Variants in SPTA1 observed in about 807,000 individuals in gnomAD.
The protein encoded by SPTA1 is spectrin alpha, erythrocytic 1, also known as spectrin alpha chain, erythrocytic 1.
SPTA1 carries 177 observed loss-of-function variants against 324.7 expected under a neutral mutation model. The observed-to-expected ratio is 0.55, with a 90% confidence interval of 0.48 to 0.62. The LOEUF (loss-of-function observed/expected upper bound fraction) is 0.62, where lower values mean the gene tolerates loss of function less well. Among genes scored for constraint, SPTA1 ranks in the 20% least tolerant of loss-of-function variants. The pLI, the probability that SPTA1 is intolerant of heterozygous loss-of-function variation, is 0.00. For synonymous variants in SPTA1, 1,195 were observed against 1,041.3 expected (o/e 1.15, Z -2.84); for missense variants, 3,162 against 2,883.6 (o/e 1.10, Z -2.21).
At position 158,667,162 on chromosome 1, in the gene SPTA1, C is replaced by CA. The variant is rs1157963957; in HGVS notation, c.2039-666_2039-665insT. On this transcript the variant is annotated intron_variant, in intron 15 of 51. Transcript: ENST00000643759. ...TCTAAACCAAAAATAAGGATGGTATCCAAAAAAAAATCAGTATGACATATT... is the reference window on the plus strand; with the variant it reads ...TCTAAACCAAAAATAAGGATGGTATCACAAAAAAAAATCAGTATGACATATT... 2.0e-3 allele frequency among the ~76,000 whole-genome samples: 293 copies of CA among 149,318 alleles called. 3 individuals carry two copies. Among genetic ancestry groups the CA allele is most frequent in the African/African-American group, 7.0e-3 (287 of 41,246 alleles).
At chr1:158,671,510 C>T (rs1321501693) in intron 11 of SPTA1, 57 bp from the exon 12 acceptor site, 2 of 1,377,254 alleles carry the variant, frequency 1.5e-6, no homozygotes, top group Middle Eastern at 2.5e-4. Context: ...AAACATTCCT[C>T]TTGGCATATC....
intron 2 of SPTA1, 97 bp from the exon 3 acceptor site, chr1:158,683,593 G>A (rs1434349645): frequency 1.1e-5 from 17 of 1,521,726 alleles, no homozygotes; most frequent in Non-Finnish European, 1.4e-5. Flanking sequence ...TTCTCAAAGG[G>A]TCCCAGACTC....
intron 28 of SPTA1, 33 bp from the exon 29 acceptor site, chr1:158,645,418 C>A (rs1388982053): frequency 6.2e-7 from 1 of 1,613,924 alleles, no homozygotes. Flanking sequence ...ATCAGTGAGG[C>A]CAACTCCATT....
At chr1:158,626,096 G>C in intron 42 of SPTA1, 50 bp downstream of exon 42, 1 of 1,506,654 alleles carries the variant, frequency 6.6e-7, no homozygotes, top group South Asian at 1.1e-5. Context: ...TGGAGGATGA[G>C]CTTCTGTGTG....
chr1:158,623,565 T>A (rs11808184), intron 42 of SPTA1, among the ~76,000 whole-genome samples: 2,229 of 152,238 alleles, frequency 0.015, 66 homozygotes, highest in African/African-American at 0.051. Flanking sequence ...GTGAGTGAGT[T>A]CTCACAAGAT....
rs746546846 is a variant in SPTA1 at position 158,671,377 on chromosome 1, T to G, written c.1565A>C (p.Glu522Ala). 3 of 1,613,434 alleles carry G rather than the reference T, an allele frequency of 1.9e-6. No homozygotes were observed. Among genetic ancestry groups the G allele is most frequent in the Non-Finnish European group, 2.5e-6 (3 of 1,179,888 alleles). ...CTCTTCCTGGGCAGTAAAGGCTTCC[T>G]CAAAGTCTTCATGCTTCTGAAGAAG... Reference protein sequence around the residue: ...EALLQKHEDFEEAFTAQEEKI... With the variant: ...EALLQKHEDFAEAFTAQEEKI... Residue 522 changes from glutamate to alanine, a missense_variant, in exon 12 of 52, where the codon GAG becomes GCG. Physicochemically the swap from Glu to Ala is moderately radical, Grantham distance 107. Transcript: ENST00000643759.
intron 4 of SPTA1, among the ~76,000 whole-genome samples, chr1:158,681,027 T>C (rs1015964085): frequency 6.6e-6 from 1 of 152,202 alleles, no homozygotes; most frequent in Admixed American, 6.5e-5. Context: ...ATCCTGTTTC[T>C]ACTCAATTCA....
Position 158,642,557 on chromosome 1 carries a change from A to G in SPTA1, c.4606-15T>C. ...AGGTATTTCCTCTGAAGGGAAAATG[A>G]AACAGAAATTATATTATCTTTTTAT... On this transcript the variant is annotated splice_polypyrimidine_tract_variant and intron_variant, in intron 32 of 51. Transcript: ENST00000643759. 1.2e-6 allele frequency: 2 copies of G among 1,613,392 alleles called. No individual in the cohort carries two copies. Among genetic ancestry groups the G allele is most frequent in the East Asian group, 2.2e-5 (1 of 44,864 alleles).
chr1:158,670,903 A>G (rs1653975544), intron 12 of SPTA1, among the ~76,000 whole-genome samples: 2 of 152,152 alleles, frequency 1.3e-5, no homozygotes, highest in African/African-American at 2.4e-5. Context: ...TAAAATTTCT[A>G]AGTAATGATT....
rs1653889308 is a variant in SPTA1, at chr1:158,669,896, G to T, written c.1600-110C>A. On this transcript the variant is annotated intron_variant, in intron 12 of 51. Transcript: ENST00000643759. ...GAAGAACAGCAATGTGGGAGGAGAA[G>T]TTTGAAGGCCAGCAGATGTAAGTCC... is the stretch of plus-strand genomic sequence containing the variant. 45 of 1,035,544 alleles carry T rather than the reference G, an allele frequency of 4.3e-5. No individual in the cohort carries two copies. In the South Asian group the frequency reaches 5.6e-4, roughly 13 times the overall value. 64.1% of individuals were successfully genotyped at this position (1,035,544 alleles called of 1,614,324 possible). A position where few individuals can be genotyped will look rare whatever the true frequency, so the allele number is the denominator to read the frequency against.
intron 16 of SPTA1, 138 bp downstream of exon 16, chr1:158,666,178 G>A: frequency 2.7e-6 from 2 of 735,818 alleles, no homozygotes; most frequent in South Asian, 3.3e-5. Flanking sequence ...TAATCAGTGT[G>A]CTCAGAGCAT....
intron 1 of SPTA1, 142 bp downstream of exon 1, chr1:158,686,352 A>T (rs2101962117): frequency 4.5e-6 from 3 of 661,216 alleles, no homozygotes; most frequent in Non-Finnish European, 8.0e-6. Context: ...TTCACAAAAA[A>T]TAGTTAAAAG....
At chr1:158,664,546 G>A (rs1208549981) in intron 16 of SPTA1, among the ~76,000 whole-genome samples, 2 of 152,120 alleles carry the variant, frequency 1.3e-5, no homozygotes, top group Non-Finnish European at 2.9e-5. Flanking sequence ...AATACCTAAT[G>A]CATGCAGGGC....
chr1:158,611,132 C>CACACACAT lies in SPTA1; in HGVS notation c.*131_*132insATGTGTGT. 2.7e-5 allele frequency: 4 copies of CACACACAT among 150,464 alleles called. No individual in the cohort carries two copies. The South Asian group carries it at 2.8e-4, about 11-fold the overall frequency. 9.3% of individuals were successfully genotyped at this position (150,464 alleles called of 1,614,324 possible). A position where few individuals can be genotyped will look rare whatever the true frequency, so the allele number is the denominator to read the frequency against. On this transcript the variant is annotated 3_prime_UTR_variant, in exon 52 of 52. Transcript: ENST00000643759. ...AATGTAATATGCACACAAACACAAG[C>CACACACAT]ACACACACACACACACACACACACA...
chr1:158,648,387 G>A (rs1417297056), intron 26 of SPTA1, 122 bp downstream of exon 26: 11 of 1,398,200 alleles, frequency 7.9e-6, no homozygotes, highest in Admixed American at 1.8e-5. Flanking sequence ...AATAAATATG[G>A]CACAGAACAG....
chr1:158,639,806 A>ATTTACC, intron 34 of SPTA1, 64 bp downstream of exon 34: 1 of 1,613,188 alleles, frequency 6.2e-7, no homozygotes, highest in Non-Finnish European at 8.5e-7. Context: ...CCCATGGGTA[A>ATTTACC]ATTCATTTGT....
At position 158,614,251 on chromosome 1, in the gene SPTA1, A is replaced by G. The variant is rs774541070; in HGVS notation, c.6842+2T>C. On this transcript the variant is annotated splice_donor_variant, in intron 49 of 51. Transcript: ENST00000643759. LOFTEE classifies it high-confidence loss of function. ...AGCAGTTAACTATGAAATTATACTC[A>G]CTTATAGATTGTGCTAAATTCCTTT... 7 of 1,578,544 alleles carry G rather than the reference A, an allele frequency of 4.4e-6. No homozygotes were observed. The highest frequency in any genetic ancestry group is 4.0e-5 in the African/African-American group (3 of 74,256).
Position 158,685,270 on chromosome 1 carries a change from C to A in SPTA1, c.102G>T (p.Arg34=), listed in dbSNP as rs897520363. 1.9e-6 allele frequency: 3 copies of A among 1,613,736 alleles called. No individual in the cohort carries two copies. The African/African-American group carries it at 4.0e-5, about 22-fold the overall frequency. Reference sequence around the variant, plus strand: ...CGACCCGCTCCTTGAAACTTTGATACCGAGTCAACACTTCCTGACGCCTCT... The same window carrying A: ...CGACCCGCTCCTTGAAACTTTGATAACGAGTCAACACTTCCTGACGCCTCT... ...IQERRQEVLT[R]YQSFKERVAE... is the part of the protein sequence containing the mutation. Residue 34 remains arginine (R), a synonymous_variant, in exon 2 of 52, where the codon CGG becomes CGT. Coordinates refer to ENST00000643759, the MANE Select transcript of SPTA1 (RefSeq NM_003126.4).
At chr1:158,617,431 A>G (rs1226946386) in intron 47 of SPTA1, 106 bp downstream of exon 47, 2 of 862,562 alleles carry the variant, frequency 2.3e-6, no homozygotes, top group Non-Finnish European at 3.9e-6. Flanking sequence ...AATGGACTTC[A>G]GGTGATACAT....
Sources: allele counts gnomAD v4.1 joint callset (sites outside exome capture counted in the v4.1 genomes callset), GRCh38; gene constraint gnomAD v4.1.1; transcripts MANE v1.5; gene names NCBI Gene and HGNC (gene_info 2026-07-23, HGNC 2026-07-21).